Variants in SHC4 observed in about 807,000 individuals in gnomAD.
SHC4 encodes the protein SHC adaptor protein 4.
A neutral mutation model predicts 69.4 loss-of-function variants in SHC4; 41 were observed. The ratio of observed to expected loss-of-function variants is 0.59; its 90% CI spans 0.46 to 0.77. The LOEUF (loss-of-function observed/expected upper bound fraction) is 0.77. SHC4 is among the 30% of genes least tolerant of loss of function. The pLI is 0.00. For missense variants in SHC4, 777 were observed against 783.8 expected (o/e 0.99, Z 0.10); for synonymous variants, 318 against 299.3 (o/e 1.06, Z -0.64).
chr15:48,862,879 T>C (rs950748328), intron 6 of SHC4, among the ~76,000 whole-genome samples: 2 of 152,000 alleles, frequency 1.3e-5, no homozygotes, highest in African/African-American at 4.8e-5. Context: ...AGTCACTGTC[T>C]CCTGTGGCTT....
intron 4 of SHC4, among the ~76,000 whole-genome samples, chr15:48,883,579 A>C (rs1567060969): frequency 6.6e-6 from 1 of 152,242 alleles, no homozygotes; most frequent in Non-Finnish European, 1.5e-5. Flanking sequence ...ATTTAGTTTA[A>C]AAAATTAAAA....
At chr15:48,925,043 C>T in intron 1 of SHC4, 94 bp from the exon 2 acceptor site, 1 of 1,297,388 alleles carries the variant, frequency 7.7e-7, no homozygotes, top group Non-Finnish European at 1.1e-6. Context: ...CACCTAAAAT[C>T]AGCTTCTGCT....
At chr15:48,928,379 C>T (rs1034103801) in intron 1 of SHC4, among the ~76,000 whole-genome samples, 1 of 152,112 alleles carries the variant, frequency 6.6e-6, no homozygotes, top group African/African-American at 2.4e-5. Flanking sequence ...ACAGTGGGAA[C>T]TTTAAAAGGA....
intron 1 of SHC4, among the ~76,000 whole-genome samples, chr15:48,928,741 C>A (rs980893327): frequency 6.6e-6 from 1 of 152,096 alleles, no homozygotes; most frequent in African/African-American, 2.4e-5. Flanking sequence ...TCATGTGAAC[C>A]TCTGTTTTGA....
rs750317048 is a variant in SHC4 at position 48,962,499 on chromosome 15, G to A, written c.517C>T (p.Leu173Phe). 81 of 1,566,306 alleles carry A rather than the reference G, an allele frequency of 5.2e-5. No individual in the cohort carries two copies. The Admixed American group carries it at 1.4e-3, about 27-fold the overall frequency. ...CPLPGPGEPT[L>F]RSRQDRHFLQ... ...AAGTGCCTGTCCTGCCTGCTCCTAA[G>A]TGTTGGCTCCCCAGGGCCAGGAAGC... Residue 173 changes from leucine to phenylalanine, a missense_variant, in exon 1 of 12, where the codon CTT becomes TTT. Physicochemically the swap from Leu to Phe is conservative, Grantham distance 22. Coordinates refer to ENST00000332408, the MANE Select transcript of SHC4 (RefSeq NM_203349.4).
intron 4 of SHC4, 28 bp downstream of exon 4, chr15:48,884,220 T>C (rs756657563): frequency 2.5e-6 from 4 of 1,575,570 alleles, no homozygotes; most frequent in South Asian, 2.4e-5. Context: ...TAGATATGTT[T>C]ATCTATAAAT....
chr15:48,919,295 A>ATTTTTTTTTTTTTTTTTTTTTTGTTTTT (rs386382928), intron 2 of SHC4, among the ~76,000 whole-genome samples: 1 of 71,216 alleles, frequency 1.4e-5, no homozygotes, highest in Non-Finnish European at 2.6e-5. Context: ...ATTTATTTTA[A>ATTTTTTTTTTTTTTTTTTTTTTGTTTTT]TTTTTTTTTT....
intron 4 of SHC4, among the ~76,000 whole-genome samples, chr15:48,873,605 G>A (rs969018641): frequency 3.3e-5 from 5 of 152,092 alleles, no homozygotes; most frequent in Admixed American, 1.3e-4. Context: ...TTAGCTGGGC[G>A]TGGTGGGCAC....
intron 2 of SHC4, among the ~76,000 whole-genome samples, chr15:48,892,417 A>G (rs1900153252): frequency 6.6e-6 from 1 of 152,084 alleles, no homozygotes; most frequent in South Asian, 2.1e-4. Context: ...TCAGAATTTC[A>G]TATTTATTGT....
At chr15:48,860,019 T>C (rs548803803) in intron 6 of SHC4, among the ~76,000 whole-genome samples, 2 of 152,014 alleles carry the variant, frequency 1.3e-5, no homozygotes, top group African/African-American at 4.8e-5. Flanking sequence ...CACCCCAGCC[T>C]AGGCAACATA....
intron 6 of SHC4, 102 bp downstream of exon 6, chr15:48,867,716 C>A: frequency 1.0e-6 from 1 of 968,436 alleles, no homozygotes; most frequent in Non-Finnish European, 1.6e-6. Context: ...GTATAGCACC[C>A]TAGTGATAGT....
intron 2 of SHC4, among the ~76,000 whole-genome samples, chr15:48,898,252 C>A (rs565046407): frequency 6.6e-6 from 1 of 152,300 alleles, no homozygotes; most frequent in South Asian, 2.1e-4. Context: ...AGAACAGGAA[C>A]CTGCCTCTGT....
intron 4 of SHC4, among the ~76,000 whole-genome samples, chr15:48,872,976 TAA>T (rs1899714511): frequency 6.6e-6 from 1 of 152,214 alleles, no homozygotes; most frequent in Non-Finnish European, 1.5e-5. Context: ...GCTGATTATA[TAA>T]GATGACCAGC....
intron 1 of SHC4, among the ~76,000 whole-genome samples, chr15:48,930,717 C>T (rs1301393700): frequency 6.6e-6 from 1 of 152,094 alleles, no homozygotes; most frequent in African/African-American, 2.4e-5. Flanking sequence ...AGGGTCTGAC[C>T]TTCATGCAAT....
chr15:48,863,006 C>A (rs1899476224), intron 6 of SHC4, among the ~76,000 whole-genome samples: 2 of 145,682 alleles, frequency 1.4e-5, no homozygotes, highest in African/African-American at 5.1e-5. Context: ...AGCCCCACCC[C>A]CAGCCCCAGA....
chr15:48,887,629 C>A (rs999941432), intron 3 of SHC4, among the ~76,000 whole-genome samples: 1 of 151,658 alleles, frequency 6.6e-6, no homozygotes, highest in Non-Finnish European at 1.5e-5. Context: ...CCAAAGCTAG[C>A]AGAAGGAAGG....
At chr15:48,903,715 C>A (rs1184084534) in intron 2 of SHC4, among the ~76,000 whole-genome samples, 1 of 152,098 alleles carries the variant, frequency 6.6e-6, no homozygotes. Flanking sequence ...ATTATTGAAT[C>A]AAAAAACTCT....
chr15:48,899,593 T>A (rs534921645), intron 2 of SHC4, among the ~76,000 whole-genome samples: 23 of 152,300 alleles, frequency 1.5e-4, no homozygotes, highest in Middle Eastern at 3.4e-3. Context: ...TTTTTTTTTT[T>A]AAATAACTCT....
intron 9 of SHC4, among the ~76,000 whole-genome samples, chr15:48,845,230 G>A (rs941488778): frequency 2.6e-5 from 4 of 152,168 alleles, no homozygotes; most frequent in Admixed American, 2.0e-4. Flanking sequence ...ATAATGCTAT[G>A]ACACTTGTAA....
Sources: gnomAD v4.1 joint callset for allele counts (sites outside exome capture counted in the v4.1 genomes callset) on GRCh38, gnomAD v4.1.1 for gene constraint, MANE v1.5 for transcripts, NCBI Gene and HGNC (gene_info 2026-07-23, HGNC 2026-07-21) for gene names.